CDC25C: variants seen among roughly 807,000 people sequenced by gnomAD.
CDC25C encodes cell division cycle 25C.
A neutral mutation model predicts 52.5 loss-of-function variants in CDC25C; 48 were observed. The observed-to-expected ratio is 0.91, with a 90% CI of 0.72 to 1.16. CDC25C has a LOEUF of 1.16. Ranked by LOEUF, CDC25C falls within the 50% of genes most tolerant of loss-of-function variation. CDC25C has a pLI of 0.00. For synonymous variants in CDC25C, 187 were observed against 206.5 expected (o/e 0.91, Z 0.81); for missense variants, 510 against 566.1 (o/e 0.90, Z 1.01).
rs1003779974 is a variant in CDC25C at position 138,287,345 on chromosome 5, A to G, written c.928-78T>C. The G allele has an allele frequency of 1.3e-4, 125 of 980,762 alleles. 1 individual carries two copies. In the African/African-American group the frequency reaches 1.6e-3, roughly 13 times the overall value. 60.8% of individuals were successfully genotyped at this position (980,762 alleles called of 1,614,324 possible). The stretch of plus-strand genomic sequence containing the variant: ...AAGGGTCAATGACACAGTTCCTTAC[A>G]AGCATACTCCTGTTCTGTCCACTGT... On this transcript the variant is annotated intron_variant, in intron 10 of 13. Coordinates refer to ENST00000323760, the MANE Select transcript of CDC25C (RefSeq NM_001790.5).
intron 6 of CDC25C, among the ~76,000 whole-genome samples, chr5:138,324,318 C>T (rs1178055421): frequency 6.6e-6 from 1 of 151,862 alleles, no homozygotes; most frequent in Non-Finnish European, 1.5e-5. Context: ...ATTTGGATTG[C>T]TAATGAAAAT....
At chr5:138,290,764 C>T (rs1299505694) in intron 8 of CDC25C, 24 bp from the exon 9 acceptor site, 1 of 1,371,938 alleles carries the variant, frequency 7.3e-7, no homozygotes. Flanking sequence ...GATTCCCACC[C>T]CACACCCAAT....
At chr5:138,332,613 C>G (rs911283667), upstream of CDC25C, among the ~76,000 whole-genome samples, 2 of 152,132 alleles carry the variant, frequency 1.3e-5, no homozygotes, top group South Asian at 2.1e-4. Context: ...CACCTGTAAT[C>G]CCAGCACTTT....
chr5:138,337,912 G>C (rs1049258303), intron 1 of CDC25C: 1 of 1,258,488 alleles, frequency 7.9e-7, no homozygotes, highest in African/African-American at 1.5e-5. Flanking sequence ...GGCTGCAGTT[G>C]GGCCGTTGGA....
At chr5:138,338,033 G>A (rs1760837096) in exon 1 of CDC25C, 1 of 1,289,518 alleles carries the variant, frequency 7.8e-7, no homozygotes, top group South Asian at 1.2e-5. Context: ...CGATATTTTG[G>A]AGGGGGTGAC....
intron 7 of CDC25C, among the ~76,000 whole-genome samples, chr5:138,296,837 C>T (rs1267903131): frequency 1.3e-5 from 2 of 150,674 alleles, no homozygotes; most frequent in Non-Finnish European, 3.0e-5. Flanking sequence ...AAACTCCTGA[C>T]CTCGTGATCT....
At chr5:138,300,655 A>G (rs776250439) in intron 7 of CDC25C, among the ~76,000 whole-genome samples, 23 of 152,186 alleles carry the variant, frequency 1.5e-4, no homozygotes, top group Non-Finnish European at 2.8e-4. Flanking sequence ...CTTGACATAC[A>G]TAGAATATTC....
intron 6 of CDC25C, 48 bp from the exon 7 acceptor site, chr5:138,319,422 G>A: frequency 7.0e-7 from 1 of 1,418,928 alleles, no homozygotes; most frequent in Non-Finnish European, 9.6e-7. Context: ...ATATATCAAA[G>A]TTCTAAATGT....
chr5:138,333,048 G>A (rs893383836), upstream of CDC25C, among the ~76,000 whole-genome samples: 5 of 152,238 alleles, frequency 3.3e-5, no homozygotes, highest in Admixed American at 2.0e-4. Flanking sequence ...TCTGGGTTGC[G>A]GTTGCGGCCC....
intron 2 of CDC25C, 65 bp downstream of exon 2, chr5:138,330,922 A>T (rs1472301537): frequency 8.4e-7 from 1 of 1,196,934 alleles, no homozygotes; most frequent in Non-Finnish European, 1.2e-6. Flanking sequence ...AAACAAACCA[A>T]CAAACAAACC....
chr5:138,337,305 C>T (rs550485652), intron 1 of CDC25C, among the ~76,000 whole-genome samples: 30 of 152,286 alleles, frequency 2.0e-4, no homozygotes, highest in South Asian at 1.7e-3. Context: ...AATTTTGGCT[C>T]ATGTGGGAGG....
At chr5:138,307,792 T>C (rs893801287) in intron 7 of CDC25C, among the ~76,000 whole-genome samples, 3 of 152,090 alleles carry the variant, frequency 2.0e-5, no homozygotes, top group African/African-American at 7.2e-5. Context: ...CTCATAGCCC[T>C]ATGCCACTCT....
chr5:138,316,571 G>A (rs1758891661), intron 7 of CDC25C, among the ~76,000 whole-genome samples: 1 of 152,144 alleles, frequency 6.6e-6, no homozygotes, highest in African/African-American at 2.4e-5. Context: ...CCCACCCACT[G>A]GATGGGGATT....
At position 138,286,611 on chromosome 5, in the gene CDC25C, C is replaced by T. The variant is rs1756260956; in HGVS notation, c.1046G>A (p.Ser349Asn). The T allele has an allele frequency of 1.2e-6, 2 of 1,613,104 alleles. No homozygotes were observed. Among genetic ancestry groups the T allele is most frequent in the East Asian group, 4.5e-5 (2 of 44,884 alleles). ...AAAGAAGTTAAACAGTTCTTCCTGA[C>T]TATATAAGTTTAAGGCTCCCTGTAG... ...GHIQGALNLY[S>N]QEELFNFFLK... The change falls in exon 12 of 14, where the codon AGT (serine) becomes AAT (asparagine). Residue 349 changes from serine to asparagine, a missense_variant. Physicochemically the swap from Ser to Asn is conservative, Grantham distance 46 (BLOSUM62 1). Coordinates refer to ENST00000323760, the MANE Select transcript of CDC25C (RefSeq NM_001790.5).
At chr5:138,295,311 A>G (rs1757090802) in intron 7 of CDC25C, among the ~76,000 whole-genome samples, 1 of 152,218 alleles carries the variant, frequency 6.6e-6, no homozygotes, top group African/African-American at 2.4e-5. Flanking sequence ...TTTCGCAAAC[A>G]GAAACAGCTA....
chr5:138,329,275 C>T (rs920551377), intron 3 of CDC25C, among the ~76,000 whole-genome samples: 2 of 152,214 alleles, frequency 1.3e-5, no homozygotes, highest in Non-Finnish European at 2.9e-5. Context: ...TTCTCATATC[C>T]TAATGACTAT....
chr5:138,322,290 A>G (rs1391542859), intron 6 of CDC25C, among the ~76,000 whole-genome samples: 1 of 140,024 alleles, frequency 7.1e-6, no homozygotes, highest in Admixed American at 7.3e-5. Flanking sequence ...CGTGAGCCAC[A>G]GCACCCGGCC....
intron 7 of CDC25C, among the ~76,000 whole-genome samples, chr5:138,318,707 T>C (rs1212508886): frequency 6.6e-6 from 1 of 152,090 alleles, no homozygotes; most frequent in Non-Finnish European, 1.5e-5. Context: ...AGAGCGAGAA[T>C]CTGTCTTAAA....
intron 1 of CDC25C, 85 bp downstream of exon 1, chr5:138,331,510 A>G (rs1486268818): frequency 9.5e-7 from 1 of 1,048,000 alleles, no homozygotes; most frequent in East Asian, 5.6e-5. Flanking sequence ...GGCCCTCCCA[A>G]CCTCTGTCTG....
Sources: gnomAD v4.1 joint callset for allele counts (sites outside exome capture counted in the v4.1 genomes callset) on GRCh38, gnomAD v4.1.1 for gene constraint, MANE v1.5 for transcripts, NCBI Gene and HGNC (gene_info 2026-07-23, HGNC 2026-07-21) for gene names.